The following RIMS2 variants were observed in gnomAD, a reference collection of about 807,000 sequenced individuals.
RIMS2 encodes regulating synaptic membrane exocytosis 2.
Under a neutral mutation model 174.4 loss-of-function variants are expected in RIMS2, and 59 were observed. The observed-to-expected ratio is 0.34, with a 90% CI of 0.27 to 0.42. The LOEUF (loss-of-function observed/expected upper bound fraction) is 0.42, where lower values mean the gene tolerates loss of function less well. RIMS2 is among the 10% of genes least tolerant of loss of function. RIMS2 has a pLI of 1.00. For synonymous variants in RIMS2, 606 were observed against 572.5 expected (o/e 1.06, Z -0.84); for missense variants, 1,620 against 1,666.3 (o/e 0.97, Z 0.48).
chr8:104,190,365 C>T lies in RIMS2; in HGVS notation c.3335-54551C>T, dbSNP rs552915268. 5.7e-4 allele frequency among the ~76,000 whole-genome samples: 80 copies of T among 139,336 alleles called. No individual in the cohort carries two copies. The East Asian group carries it at 0.01, about 18-fold the overall frequency. The allele number at this position is 139,336 out of a possible 152,430, so 91.4% of individuals were successfully genotyped here. ...GATCCTTACTCCATCTTTCTAGGAGCGGATCCTTAATCCATCTTTCTAGGA... is the reference window on the plus strand; with the variant it reads ...GATCCTTACTCCATCTTTCTAGGAGTGGATCCTTAATCCATCTTTCTAGGA... On this transcript the variant is annotated intron_variant, in intron 19 of 23. Coordinates refer to ENST00000504942, the Ensembl canonical transcript of RIMS2.
chr8:103,653,239 T>C (rs2096482620), intron 1 of RIMS2, among the ~76,000 whole-genome samples: 1 of 152,182 alleles, frequency 6.6e-6, no homozygotes, highest in Admixed American at 6.5e-5. Flanking sequence ...TTATGAAACA[T>C]AATTTGGGAA....
rs532618346 is a variant in RIMS2, at chr8:103,727,451, G to A, written c.387+30155G>A. ...CTTTGTTTATTCTTTCCTTTGAAGTGCAGAAGTTTTTTTTTTTAACTTGAT... is the reference window on the plus strand; with the variant it reads ...CTTTGTTTATTCTTTCCTTTGAAGTACAGAAGTTTTTTTTTTTAACTTGAT... On this transcript the variant is annotated intron_variant, in intron 2 of 23. Transcript: ENST00000504942. 1.3e-4 allele frequency among the ~76,000 whole-genome samples: 20 copies of A among 152,114 alleles called. No individual in the cohort carries two copies. In the East Asian group the frequency reaches 3.5e-3, roughly 26 times the overall value.
chr8:103,718,668 T>G (rs956347352), intron 2 of RIMS2, among the ~76,000 whole-genome samples: 1 of 151,994 alleles, frequency 6.6e-6, no homozygotes, highest in Admixed American at 6.5e-5. Flanking sequence ...CCTTTTTTTT[T>G]TGTGGGGGTG....
chr8:103,809,375 A>T (rs1279455140), intron 3 of RIMS2, among the ~76,000 whole-genome samples: 2 of 152,014 alleles, frequency 1.3e-5, no homozygotes, highest in East Asian at 3.9e-4. Context: ...TCTCAATAAC[A>T]CATATAATTT....
chr8:104,190,922 C>A (rs1475087402), intron 19 of RIMS2, among the ~76,000 whole-genome samples: 1 of 140,810 alleles, frequency 7.1e-6, no homozygotes, highest in Non-Finnish European at 1.5e-5. Flanking sequence ...AAATTTAATT[C>A]TTCTCTTTTT....
intron 2 of RIMS2, among the ~76,000 whole-genome samples, chr8:103,737,577 G>A (rs1367735262): frequency 2.0e-5 from 3 of 152,068 alleles, no homozygotes; most frequent in Non-Finnish European, 4.4e-5. Context: ...CAATCAGATT[G>A]TGTCATTTTC....
At chr8:104,212,759 G>C (rs556911893) in intron 19 of RIMS2, among the ~76,000 whole-genome samples, 1 of 152,136 alleles carries the variant, frequency 6.6e-6, no homozygotes, top group African/African-American at 2.4e-5. Flanking sequence ...CAGTAATTTA[G>C]TGCTATTATA....
intron 12 of RIMS2, among the ~76,000 whole-genome samples, chr8:103,932,501 G>A (rs556101239): frequency 2.0e-5 from 3 of 152,234 alleles, no homozygotes; most frequent in South Asian, 2.1e-4. Context: ...ATCTTATAAA[G>A]TTTGATTAAG....
intron 15 of RIMS2, among the ~76,000 whole-genome samples, chr8:103,965,864 A>G (rs2091671867): frequency 6.6e-6 from 1 of 151,794 alleles, no homozygotes; most frequent in African/African-American, 2.4e-5. Flanking sequence ...AGGATGTTAG[A>G]TTTTGTCAAA....
intron 19 of RIMS2, among the ~76,000 whole-genome samples, chr8:104,017,023 T>A (rs2095932237): frequency 6.6e-6 from 1 of 152,078 alleles, no homozygotes; most frequent in Non-Finnish European, 1.5e-5. Context: ...CTTTTTAGTA[T>A]GAAATAAAAG....
chr8:103,860,840 CA>C (rs373183176), intron 3 of RIMS2, among the ~76,000 whole-genome samples: 14 of 152,054 alleles, frequency 9.2e-5, no homozygotes, highest in African/African-American at 2.2e-4. Flanking sequence ...GGGTTAGCAG[CA>C]TCTTGTACTA....
At chr8:104,033,552 T>C (rs2096445938) in intron 19 of RIMS2, among the ~76,000 whole-genome samples, 1 of 152,032 alleles carries the variant, frequency 6.6e-6, no homozygotes, top group Admixed American at 6.6e-5. Flanking sequence ...AAAGATCTAT[T>C]TTAAATATTT....
intron 19 of RIMS2, among the ~76,000 whole-genome samples, chr8:104,135,557 G>C (rs1198768042): frequency 7.0e-6 from 1 of 142,204 alleles, no homozygotes; most frequent in African/African-American, 2.6e-5. Context: ...AATGAGTTGT[G>C]ATCACGCCAG....
intron 3 of RIMS2, among the ~76,000 whole-genome samples, chr8:103,780,648 T>C (rs574453608): frequency 1.3e-5 from 2 of 152,288 alleles, no homozygotes; most frequent in Admixed American, 1.3e-4. Flanking sequence ...TTGCTTTCTG[T>C]GTTAACTTGG....
chr8:103,678,729 T>C (rs2096844203), intron 1 of RIMS2, among the ~76,000 whole-genome samples: 1 of 152,082 alleles, frequency 6.6e-6, no homozygotes, highest in Admixed American at 6.6e-5. Context: ...CGATTCTTTC[T>C]CAAAATGTTT....
At chr8:104,165,678 C>T (rs1038335905) in intron 19 of RIMS2, among the ~76,000 whole-genome samples, 2 of 151,586 alleles carry the variant, frequency 1.3e-5, no homozygotes, top group African/African-American at 2.4e-5. Context: ...AAATAGTCCA[C>T]TTTAAGTTTT....
At chr8:103,876,599 T>C (rs577710058) in intron 3 of RIMS2, among the ~76,000 whole-genome samples, 5 of 151,076 alleles carry the variant, frequency 3.3e-5, no homozygotes, top group African/African-American at 1.2e-4. Context: ...CTCACCCCCT[T>C]CCCACCCTTT....
chr8:103,588,829 T>C (rs2094109340), intron 1 of RIMS2, among the ~76,000 whole-genome samples: 1 of 151,842 alleles, frequency 6.6e-6, no homozygotes, highest in Admixed American at 6.6e-5. Context: ...TTGGGGAAGA[T>C]ATTTAGGATA....
Position 104,135,637 on chromosome 8 carries a change from A to T in RIMS2, c.3335-109279A>T, listed in dbSNP as rs1388288632. ...TCAAAAAAAAAAAAAAAAAAAAAAG[A>T]ATGCTGAAATGTTGAGATGTACACA... On this transcript the variant is annotated intron_variant, in intron 19 of 23. Coordinates refer to ENST00000504942, the Ensembl canonical transcript of RIMS2. 2.7e-5 allele frequency among the ~76,000 whole-genome samples: 4 copies of T among 147,890 alleles called. No homozygotes were observed. In the East Asian group the frequency reaches 8.0e-4, roughly 29 times the overall value.
Sources: allele counts gnomAD v4.1 joint callset (sites outside exome capture counted in the v4.1 genomes callset), GRCh38; gene constraint gnomAD v4.1.1; transcripts MANE v1.5; gene names NCBI Gene and HGNC (gene_info 2026-07-23, HGNC 2026-07-21).